Variants in GLIS3 observed in about 807,000 individuals in gnomAD.
GLIS3 encodes GLIS family zinc finger 3.
A neutral mutation model predicts 78.6 loss-of-function variants in GLIS3; 53 were observed. The ratio of observed to expected loss-of-function variants is 0.67; its 90% CI spans 0.54 to 0.85. GLIS3 has a LOEUF of 0.85. Ranked by LOEUF, GLIS3 falls within the 40% of genes least tolerant of loss-of-function variation. The pLI is 0.00. For missense variants in GLIS3, 1,703 were observed against 1,231.1 expected (o/e 1.38, Z -5.74); for synonymous variants, 684 against 509.9 (o/e 1.34, Z -4.60).
At chr9:4,334,552 C>T (rs139464595) in intron 2 of GLIS3, among the ~76,000 whole-genome samples, 4 of 152,332 alleles carry the variant, frequency 2.6e-5, no homozygotes, top group East Asian at 1.9e-4. Flanking sequence ...CTTGCTCCAG[C>T]GTTGTCATGG....
At chr9:3,989,640 C>G (rs1820058449) in intron 4 of GLIS3, among the ~76,000 whole-genome samples, 1 of 152,072 alleles carries the variant, frequency 6.6e-6, no homozygotes, top group South Asian at 2.1e-4. Flanking sequence ...AAGTTACATA[C>G]TGTATGAGTC....
intron 4 of GLIS3, among the ~76,000 whole-genome samples, chr9:4,088,577 T>C (rs1450358942): frequency 6.6e-6 from 1 of 152,244 alleles, no homozygotes; most frequent in East Asian, 1.9e-4. Context: ...TTCTTATTTC[T>C]TAAAACTGGC....
upstream of GLIS3, among the ~76,000 whole-genome samples, chr9:4,349,789 A>G (rs1333019296): frequency 6.6e-6 from 1 of 152,250 alleles, no homozygotes; most frequent in Non-Finnish European, 1.5e-5. Flanking sequence ...GAAATGAAGA[A>G]GAAACCTAAA....
Position 4,173,692 on chromosome 9 carries a change from G to A in GLIS3, c.389-47751C>T, listed in dbSNP as rs959623576. Among the ~76,000 whole-genome samples the A allele has an allele frequency of 9.2e-5, 14 of 151,670 alleles. No individual in the cohort carries two copies. In the South Asian group the frequency reaches 1.0e-3, roughly 11 times the overall value. On this transcript the variant is annotated intron_variant, in intron 2 of 10. Transcript: ENST00000381971. ...GCTCACTGCAGCCTCAACCTCCTGG[G>A]ATCAAAAGATCCTCCCACCACAGCC...
intron 2 of GLIS3, among the ~76,000 whole-genome samples, chr9:4,225,079 G>A (rs1587041648): frequency 6.6e-6 from 1 of 151,370 alleles, no homozygotes; most frequent in East Asian, 1.9e-4. Flanking sequence ...AGTTAAGCAG[G>A]CATTATTACG....
chr9:4,004,949 A>G (rs142170367), intron 4 of GLIS3, among the ~76,000 whole-genome samples: 2 of 152,342 alleles, frequency 1.3e-5, no homozygotes, highest in African/African-American at 2.4e-5. Flanking sequence ...AACCTTCCCA[A>G]TGAAGCATAG....
At chr9:4,025,925 T>C (rs1216841960) in intron 4 of GLIS3, among the ~76,000 whole-genome samples, 1 of 152,076 alleles carries the variant, frequency 6.6e-6, no homozygotes, top group Non-Finnish European at 1.5e-5. Flanking sequence ...TGAGAAATAA[T>C]AGAGAAAGAG....
intron 4 of GLIS3, among the ~76,000 whole-genome samples, chr9:4,080,359 G>A (rs1828448372): frequency 6.6e-6 from 1 of 152,084 alleles, no homozygotes; most frequent in African/African-American, 2.4e-5. Flanking sequence ...AATCATTTAA[G>A]GGGGCTCCAA....
At chr9:4,126,974 G>T (rs535540623) in intron 2 of GLIS3, among the ~76,000 whole-genome samples, 29 of 152,250 alleles carry the variant, frequency 1.9e-4, no homozygotes, top group African/African-American at 7.0e-4. Context: ...AGCTGTAGGG[G>T]TCATAATTTC....
At chr9:4,454,651 C>G in the GLIS3 span, among the ~76,000 whole-genome samples, 1 of 152,164 alleles carries the variant, frequency 6.6e-6, no homozygotes, top group Non-Finnish European at 1.5e-5. Context: ...AAATGCATCT[C>G]TATTTCTGTT....
intron 4 of GLIS3, among the ~76,000 whole-genome samples, chr9:4,062,277 A>C (rs1826717997): frequency 6.6e-6 from 1 of 152,218 alleles, no homozygotes; most frequent in South Asian, 2.1e-4. Context: ...ATGTTGTATA[A>C]GGTGTTCCTT....
the GLIS3 span, among the ~76,000 whole-genome samples, chr9:4,441,869 T>G: frequency 6.6e-6 from 1 of 152,224 alleles, no homozygotes; most frequent in Non-Finnish European, 1.5e-5. Flanking sequence ...CCTCCCCAAG[T>G]GCTGGCATTA....
Position 4,165,885 on chromosome 9 carries a change from TG to T in GLIS3, c.389-39945del, listed in dbSNP as rs557533627. On this transcript the variant is annotated intron_variant, in intron 2 of 10. Coordinates refer to ENST00000381971, the MANE Select transcript of GLIS3 (RefSeq NM_001042413.2). ...AGGATAGAACTCTGGGAATCTCCAATGTTTGGGGAGGCAGGAAAAAAGGAAT... is the reference window on the plus strand; with the variant it reads ...AGGATAGAACTCTGGGAATCTCCAATTTTGGGGAGGCAGGAAAAAAGGAAT... 2.7e-3 allele frequency among the ~76,000 whole-genome samples: 409 copies of T among 152,264 alleles called. 1 individual carries two copies. Among genetic ancestry groups the T allele is most frequent in the South Asian group, 0.01 (49 of 4,820 alleles).
At chr9:4,300,474 G>C (rs1817022233), upstream of GLIS3, among the ~76,000 whole-genome samples, 1 of 152,144 alleles carries the variant, frequency 6.6e-6, no homozygotes, top group African/African-American at 2.4e-5. Context: ...GGGTTGCTTT[G>C]AAATATCGGA....
intron 6 of GLIS3, among the ~76,000 whole-genome samples, chr9:3,903,372 C>A (rs1349366414): frequency 6.6e-6 from 1 of 152,242 alleles, no homozygotes; most frequent in Non-Finnish European, 1.5e-5. Context: ...CTTTACAAAG[C>A]CTTGACTGCT....
At chr9:4,232,657 A>G (rs1308973342) in intron 2 of GLIS3, among the ~76,000 whole-genome samples, 1 of 152,210 alleles carries the variant, frequency 6.6e-6, no homozygotes, top group Non-Finnish European at 1.5e-5. Context: ...CTACAAAACA[A>G]AAGTAGTTAT....
chr9:4,049,685 T>C (rs1825554192), intron 4 of GLIS3, among the ~76,000 whole-genome samples: 1 of 152,136 alleles, frequency 6.6e-6, no homozygotes, highest in Non-Finnish European at 1.5e-5. Flanking sequence ...AGAACATTTT[T>C]GCAATCTACC....
the GLIS3 span, among the ~76,000 whole-genome samples, chr9:4,384,241 A>G: frequency 1.3e-5 from 2 of 152,300 alleles, no homozygotes; most frequent in South Asian, 2.1e-4. Flanking sequence ...GGTTTCCATC[A>G]TGGAGGAATC....
intron 2 of GLIS3, among the ~76,000 whole-genome samples, chr9:4,274,460 C>T (rs1191644264): frequency 6.6e-6 from 1 of 152,070 alleles, no homozygotes; most frequent in Non-Finnish European, 1.5e-5. Context: ...GGCAATTGGG[C>T]ATATGGGGCA....
Sources: allele counts gnomAD v4.1 joint callset (sites outside exome capture counted in the v4.1 genomes callset), GRCh38; gene constraint gnomAD v4.1.1; transcripts MANE v1.5; gene names NCBI Gene and HGNC (gene_info 2026-07-23, HGNC 2026-07-21).